FBLN1: variants seen among roughly 807,000 people sequenced by gnomAD.
The protein encoded by FBLN1 is fibulin-1.
A neutral mutation model predicts 89.7 loss-of-function variants in FBLN1; 34 were observed. The observed-to-expected ratio is 0.38, with a 90% CI of 0.29 to 0.50. The LOEUF (loss-of-function observed/expected upper bound fraction) is 0.50. FBLN1 is among the 20% of genes least tolerant of loss of function. FBLN1 has a pLI of 0.92. For missense variants in FBLN1, 777 were observed against 988.1 expected (o/e 0.79, Z 2.86); for synonymous variants, 393 against 391.3 (o/e 1.00, Z -0.05).
At position 45,549,566 on chromosome 22, in the gene FBLN1, C is replaced by T. The variant is rs1035357863; in HGVS notation, c.1573+822C>T. Among the ~76,000 whole-genome samples the T allele has an allele frequency of 3.9e-5, 6 of 152,194 alleles. No homozygotes were observed. The highest frequency in any genetic ancestry group is 3.8e-4 in the East Asian group (2 of 5,196). On this transcript the variant is annotated intron_variant, in intron 13 of 16. Transcript: ENST00000327858. The surrounding 1 kb of genome is among the most constrained non-coding windows in gnomAD (Gnocchi z 5.7). ...AGGCTGGTTGTGTCTGCATTTCTGA[C>T]GGAGCAAATGACTTTTCTCCTGGCC... is the stretch of plus-strand genomic sequence containing the variant.
At chr22:45,546,365 T>TGC (rs1288678024) in intron 11 of FBLN1, among the ~76,000 whole-genome samples, 1 of 152,150 alleles carries the variant, frequency 6.6e-6, no homozygotes, top group Non-Finnish European at 1.5e-5. Context: ...TACAGGTGCG[T>TGC]GCCACCATGC....
At chr22:45,552,979 GGT>G (rs777009907) in intron 14 of FBLN1, among the ~76,000 whole-genome samples, 10 of 152,364 alleles carry the variant, frequency 6.6e-5, no homozygotes, top group Middle Eastern at 3.4e-3. Context: ...GGGTGGCCTT[GGT>G]TGCCGCTTCC....
chr22:45,541,183 C>T (rs547676354), intron 8 of FBLN1, 46 bp from the exon 9 acceptor site: 217 of 1,613,576 alleles, frequency 1.3e-4, no homozygotes, highest in Non-Finnish European at 1.7e-4. Flanking sequence ...GGTTCTGGGA[C>T]ACCCTCCAGG....
chr22:45,593,813 CTCTTT>C (rs1431443383), intron 16 of FBLN1, among the ~76,000 whole-genome samples: 1 of 152,228 alleles, frequency 6.6e-6, no homozygotes, highest in African/African-American at 2.4e-5. Flanking sequence ...TTCCTTCACT[CTCTTT>C]TCTTCTTCTT....
rs551560916 is a variant in FBLN1 at position 45,532,001 on chromosome 22, C to T, written c.544+677C>T. On this transcript the variant is annotated intron_variant, in intron 5 of 16. Coordinates refer to ENST00000327858, the MANE Select transcript of FBLN1 (RefSeq NM_006486.3). This position sits in a 1 kb window ranked among gnomAD's most constrained non-coding sequence, Gnocchi z 4.2. Reference sequence around the variant, plus strand: ...TGTCTGCACATTTAACTAAGGGCCTCGCAGGTTTGTTTTTCATATGATAAA... The same window carrying T: ...TGTCTGCACATTTAACTAAGGGCCTTGCAGGTTTGTTTTTCATATGATAAA... 2.1e-4 allele frequency among the ~76,000 whole-genome samples: 32 copies of T among 152,334 alleles called. No individual in the cohort carries two copies. The highest frequency in any genetic ancestry group is 1.3e-3 in the Admixed American group (20 of 15,308).
chr22:45,546,042 C>G (rs2088622273), intron 11 of FBLN1, among the ~76,000 whole-genome samples: 1 of 152,058 alleles, frequency 6.6e-6, no homozygotes, highest in Non-Finnish European at 1.5e-5. Context: ...CCCAGCTACT[C>G]AGGAGGCTGA....
At chr22:45,522,319 G>A (rs572331122) in intron 2 of FBLN1, among the ~76,000 whole-genome samples, 17 of 152,302 alleles carry the variant, frequency 1.1e-4, no homozygotes, top group African/African-American at 3.6e-4. Context: ...TTTCTGTGAG[G>A]CTCACCAGCT....
At chr22:45,598,939 C>T (rs1309287788) in intron 16 of FBLN1, among the ~76,000 whole-genome samples, 1 of 152,344 alleles carries the variant, frequency 6.6e-6, no homozygotes, top group African/African-American at 2.4e-5. Context: ...CTGTCCCATA[C>T]TCTCACTGCG....
At chr22:45,538,526 G>A (rs1288659019) in intron 8 of FBLN1, among the ~76,000 whole-genome samples, 5 of 152,134 alleles carry the variant, frequency 3.3e-5, no homozygotes, top group Admixed American at 3.3e-4. Context: ...AGGGTATTTA[G>A]AAATCATTTC....
rs2088431818 is a variant in FBLN1, at chr22:45,533,115, C to T, written c.597C>T (p.Cys199=). 1 of 1,614,088 alleles carries T rather than the reference C, an allele frequency of 6.2e-7. No individual in the cohort carries two copies. The highest frequency in any genetic ancestry group is 1.3e-5 in the African/African-American group (1 of 74,934). ...GAGACACGGGTGACGAGGTGGTCTG[C>T]TCCTGCTTCGTGGGCTACCAGCTGC... ...QCRDTGDEVV[C]SCFVGYQLLS... is the part of the protein sequence containing the mutation. Residue 199 remains cysteine, a synonymous_variant, in exon 6 of 17, where the codon TGC becomes TGT. Transcript: ENST00000327858.
intron 16 of FBLN1, among the ~76,000 whole-genome samples, chr22:45,585,304 A>T (rs1877289585): frequency 6.6e-6 from 1 of 152,180 alleles, no homozygotes; most frequent in African/African-American, 2.4e-5. Context: ...CCCCCTGGCC[A>T]GGCAAGGCCT....
At chr22:45,529,562 C>T (rs2088375940) in intron 4 of FBLN1, among the ~76,000 whole-genome samples, 1 of 152,142 alleles carries the variant, frequency 6.6e-6, no homozygotes, top group Non-Finnish European at 1.5e-5. Context: ...CCCCCACTCT[C>T]TTAAAAAATA....
rs1319137805 is a variant in FBLN1, at chr22:45,502,918, G to T, written c.-68G>T. ...GAGGCTCGGCCGGAGCGTGGAGCCC[G>T]CGCCGCTGCCCCAGGACCGCGCCCG... On this transcript the variant is annotated 5_prime_UTR_variant, in exon 1 of 17. Transcript: ENST00000327858. 5 of 633,072 alleles carry T rather than the reference G, an allele frequency of 7.9e-6. No individual in the cohort carries two copies. The highest frequency in any genetic ancestry group is 1.0e-5 in the Non-Finnish European group (5 of 500,154). 39.2% of individuals were successfully genotyped at this position (633,072 alleles called of 1,614,324 possible). A position where few individuals can be genotyped will look rare whatever the true frequency, so the allele number is the denominator to read the frequency against.
intron 3 of FBLN1, among the ~76,000 whole-genome samples, chr22:45,527,277 G>C (rs1345866172): frequency 2.6e-5 from 4 of 152,194 alleles, no homozygotes; most frequent in Non-Finnish European, 1.5e-5. Context: ...TAACTATTGG[G>C]ACCTGGGCCC....
Position 45,576,831 on chromosome 22 carries a change from G to C in FBLN1, c.1841-146G>C. 1.1e-6 allele frequency: 1 copy of C among 926,130 alleles called. No homozygotes were observed. Among genetic ancestry groups the C allele is most frequent in the South Asian group, 1.4e-5 (1 of 71,086 alleles). The allele number at this position is 926,130 out of a possible 1,614,324, so 57.4% of individuals were successfully genotyped here. On this transcript the variant is annotated intron_variant, in intron 15 of 16. Coordinates refer to ENST00000327858, the MANE Select transcript of FBLN1 (RefSeq NM_006486.3). This position sits in a 1 kb window ranked among gnomAD's most constrained non-coding sequence, Gnocchi z 5.2. ...CAGACCCCTCCACCCTCCCCACACA[G>C]GGGATCTCTGGCTTCATTGATGTTG...
At chr22:45,593,710 C>G (rs780287464) in intron 16 of FBLN1, among the ~76,000 whole-genome samples, 2 of 152,214 alleles carry the variant, frequency 1.3e-5, no homozygotes, top group Non-Finnish European at 2.9e-5. Flanking sequence ...CACCCGGAGC[C>G]TTCAGTGGCT....
chr22:45,513,933 A>T (rs1228163843), intron 1 of FBLN1, among the ~76,000 whole-genome samples: 1 of 152,070 alleles, frequency 6.6e-6, no homozygotes, highest in East Asian at 1.9e-4. Context: ...AGCTGGGATT[A>T]CAGGCATGCA....
intron 16 of FBLN1, among the ~76,000 whole-genome samples, chr22:45,589,475 C>T (rs367618257): frequency 7.9e-5 from 12 of 152,112 alleles, no homozygotes; most frequent in African/African-American, 2.4e-4. Flanking sequence ...TGCAGATTCG[C>T]GAGCCTCTGG....
intron 1 of FBLN1, among the ~76,000 whole-genome samples, chr22:45,511,510 G>T (rs906423795): frequency 6.7e-6 from 1 of 148,708 alleles, no homozygotes; most frequent in African/African-American, 2.5e-5. Context: ...ACAGTGGCAC[G>T]ATCTTGGCTC....
Sources: allele counts gnomAD v4.1 joint callset (sites outside exome capture counted in the v4.1 genomes callset), GRCh38; gene constraint gnomAD v4.1.1; non-coding constraint Gnocchi (gnomAD v3.1); transcripts MANE v1.5; gene names NCBI Gene and HGNC (gene_info 2026-07-23, HGNC 2026-07-21).